KATNIP: variants seen among roughly 807,000 people sequenced by gnomAD.
KATNIP encodes the protein katanin interacting protein.
A neutral mutation model predicts 174.0 loss-of-function variants in KATNIP; 126 were observed. The ratio of observed to expected loss-of-function variants is 0.72; its 90% CI spans 0.63 to 0.84. The LOEUF is 0.84. Among genes scored for constraint, KATNIP ranks in the 40% least tolerant of loss-of-function variants. The pLI is 0.00. For synonymous variants in KATNIP, 810 were observed against 835.7 expected, an observed-to-expected ratio of 0.97 and a Z score of 0.53; for missense variants, 1,958 against 2,109.7, an observed-to-expected ratio of 0.93 and a Z score of 1.41.
intron 12 of KATNIP, among the ~76,000 whole-genome samples, chr16:27,706,845 A>G (rs530862977): frequency 6.6e-6 from 1 of 152,284 alleles, no homozygotes; most frequent in Admixed American, 6.5e-5. Context: ...GGATTGCTCC[A>G]CACTATCACA....
At chr16:27,622,241 G>A (rs565763997) in intron 3 of KATNIP, among the ~76,000 whole-genome samples, 1 of 152,298 alleles carries the variant, frequency 6.6e-6, no homozygotes, top group African/African-American at 2.4e-5. Flanking sequence ...TAGTGGCAGG[G>A]TGAGCGCAAG....
At chr16:27,671,613 A>C (rs1394068900) in intron 6 of KATNIP, among the ~76,000 whole-genome samples, 3 of 152,148 alleles carry the variant, frequency 2.0e-5, no homozygotes, top group Non-Finnish European at 4.4e-5. Context: ...CTGCCTCCAA[A>C]ATAGATCTCG....
At chr16:27,773,071 C>G (rs1195233360) in intron 22 of KATNIP, 28 bp from the exon 23 acceptor site, 2 of 1,347,564 alleles carry the variant, frequency 1.5e-6, no homozygotes, top group African/African-American at 2.9e-5. Flanking sequence ...AAAAATTAAG[C>G]CTTCTTTTCC....
At chr16:27,723,273 G>A (rs2080310168) in intron 14 of KATNIP, among the ~76,000 whole-genome samples, 1 of 152,090 alleles carries the variant, frequency 6.6e-6, no homozygotes, top group Non-Finnish European at 1.5e-5. Context: ...TGACATCAGA[G>A]CCTCCTAATC....
In KATNIP at chr16:27,662,071, T is replaced by TACAC. The variant is rs1196592578; in HGVS notation, c.540+13340_540+13343dup. 3.5e-5 allele frequency among the ~76,000 whole-genome samples: 2 copies of TACAC among 57,188 alleles called. 1 individual carries two copies. The highest frequency in any genetic ancestry group is 1.7e-4 in the African/African-American group (2 of 11,648). 37.5% of individuals were successfully genotyped at this position (57,188 alleles called of 152,430 possible). A position where few individuals can be genotyped will look rare whatever the true frequency, so the allele number is the denominator to read the frequency against. ...ATACATATATATATATATATATATATACACACATATATATATACACATACA... is the reference window on the plus strand; with the variant it reads ...ATACATATATATATATATATATATATACACACACACATATATATATACACATACA... On this transcript the variant is annotated intron_variant, in intron 6 of 27. Transcript: ENST00000261588.
chr16:27,710,704 A>G lies in KATNIP; in HGVS notation c.1605+1784A>G, dbSNP rs1242588876. Among the ~76,000 whole-genome samples, 4 of 152,180 alleles carry G rather than the reference A, an allele frequency of 2.6e-5. No individual in the cohort carries two copies. In the East Asian group the frequency reaches 7.7e-4, roughly 29 times the overall value. ...TTTTTTATAGAGACGGGGTCTCACT[A>G]TGTTACCTGGGATGGTTTCTCTGGC... On this transcript the variant is annotated intron_variant, in intron 13 of 27. Coordinates refer to ENST00000261588, the MANE Select transcript of KATNIP (RefSeq NM_015202.5).
intron 19 of KATNIP, among the ~76,000 whole-genome samples, chr16:27,763,237 T>G (rs1597401064): frequency 6.8e-6 from 1 of 146,212 alleles, no homozygotes; most frequent in Non-Finnish European, 1.5e-5. Context: ...ATCACTTGAG[T>G]CCAGGAATTC....
Position 27,699,592 on chromosome 16 carries a change from C to T in KATNIP, c.1172C>T (p.Thr391Ile). 1 of 1,614,154 alleles carries T rather than the reference C, an allele frequency of 6.2e-7. No individual in the cohort carries two copies. The highest frequency in any genetic ancestry group is 2.2e-5 in the East Asian group (1 of 44,882). ...WTSLLEEKEE[T>I]LELLPITTAT... ...AGTCTGCTGGAGGAGAAGGAAGAGA[C>T]CCTTGAGGTCAGTGCTAGGCAGAGA... The change falls in exon 10 of 28, where the codon ACC (threonine) becomes ATC (isoleucine). Residue 391 changes from threonine to isoleucine, a missense_variant. By Grantham distance (89) the Thr-to-Ile change is moderately conservative. This residue lies in a region of KATNIP where 1,557 missense variants were observed against 1,617.8 expected (regional missense o/e 0.96). Coordinates refer to ENST00000261588, the MANE Select transcript of KATNIP (RefSeq NM_015202.5).
At chr16:27,759,745 T>A (rs1269651510) in intron 18 of KATNIP, among the ~76,000 whole-genome samples, 1 of 152,160 alleles carries the variant, frequency 6.6e-6, no homozygotes, top group Non-Finnish European at 1.5e-5. Flanking sequence ...TCACGTGGGC[T>A]TCTGTCCCAG....
intron 6 of KATNIP, among the ~76,000 whole-genome samples, chr16:27,677,381 G>A (rs531063887): frequency 6.6e-6 from 1 of 152,198 alleles, no homozygotes; most frequent in Non-Finnish European, 1.5e-5. Flanking sequence ...CAGTGGGTGG[G>A]ACTCCACAAT....
intron 2 of KATNIP, among the ~76,000 whole-genome samples, chr16:27,587,706 A>G (rs1458687179): frequency 6.6e-6 from 1 of 152,206 alleles, no homozygotes; most frequent in African/African-American, 2.4e-5. Context: ...AGTGTTGAAT[A>G]TCTCATGTAA....
rs945387249 is a variant in KATNIP, at chr16:27,766,378, G to A, written c.3879G>A (p.Leu1293=). The A allele has an allele frequency of 1.2e-6, 2 of 1,614,056 alleles. No homozygotes were observed. The highest frequency in any genetic ancestry group is 1.3e-5 in the African/African-American group (1 of 74,934). ...GGCTGATCCCCTTCTCGCCGGGGCTGGACCATGTGGTCACGATCCGCCTGG... is the reference window on the plus strand; with the variant it reads ...GGCTGATCCCCTTCTCGCCGGGGCTAGACCATGTGGTCACGATCCGCCTGG... ...HMWLIPFSPG[L]DHVVTIRLDR... is the part of the protein sequence containing the mutation. Residue 1293 remains leucine, a synonymous_variant, in exon 20 of 28, where the codon CTG becomes CTA. Coordinates refer to ENST00000261588, the MANE Select transcript of KATNIP (RefSeq NM_015202.5).
At chr16:27,580,681 CA>C (rs1384567382) in intron 2 of KATNIP, among the ~76,000 whole-genome samples, 1 of 149,024 alleles carries the variant, frequency 6.7e-6, no homozygotes, top group Non-Finnish European at 1.5e-5. Flanking sequence ...TCATGCAATA[CA>C]CATTGTTTTC....
intron 5 of KATNIP, among the ~76,000 whole-genome samples, chr16:27,641,512 A>G (rs1795239886): frequency 6.6e-6 from 1 of 151,946 alleles, no homozygotes; most frequent in Non-Finnish European, 1.5e-5. Context: ...ACTCAGTGCC[A>G]TGTGAACCTC....
intron 2 of KATNIP, among the ~76,000 whole-genome samples, chr16:27,601,361 G>A (rs1358625991): frequency 1.1e-4 from 16 of 152,182 alleles, no homozygotes; most frequent in Admixed American, 1.0e-3. Context: ...AGAGGTTGTT[G>A]GGAGAGGCCC....
chr16:27,700,031 C>A (rs942051167), intron 10 of KATNIP, among the ~76,000 whole-genome samples: 8 of 152,130 alleles, frequency 5.3e-5, no homozygotes, highest in Non-Finnish European at 1.2e-4. Flanking sequence ...CCACCTCAGC[C>A]TCCCAAGTAG....
chr16:27,662,678 C>T (rs2077564097), intron 6 of KATNIP, among the ~76,000 whole-genome samples: 1 of 152,158 alleles, frequency 6.6e-6, no homozygotes. Flanking sequence ...ATGAATTGAA[C>T]TTAATAAAGC....
chr16:27,666,491 C>G (rs2077687952), intron 6 of KATNIP, among the ~76,000 whole-genome samples: 1 of 152,098 alleles, frequency 6.6e-6, no homozygotes, highest in Non-Finnish European at 1.5e-5. Flanking sequence ...AGTCTTGACT[C>G]ACTACAACTT....
chr16:27,691,002 A>G (rs141452556), intron 8 of KATNIP, among the ~76,000 whole-genome samples: 19 of 152,150 alleles, frequency 1.2e-4, no homozygotes, highest in African/African-American at 3.4e-4. Flanking sequence ...AAGTGACACA[A>G]TACATCTCTG....
Sources: gnomAD v4.1 joint callset for allele counts (sites outside exome capture counted in the v4.1 genomes callset) on GRCh38, gnomAD v4.1.1 for gene constraint, gnomAD v4.1.1 regional missense constraint, MANE v1.5 for transcripts, NCBI Gene and HGNC (gene_info 2026-07-23, HGNC 2026-07-21) for gene names.